HS3ST4: variants seen among roughly 807,000 people sequenced by gnomAD.
The protein encoded by HS3ST4 is heparan sulfate glucosamine 3-O-sulfotransferase 4.
HS3ST4 carries 17 observed loss-of-function variants against 29.2 expected under a neutral mutation model. The observed-to-expected ratio is 0.58, with a 90% CI of 0.40 to 0.87. The LOEUF is 0.87. Ranked by LOEUF, HS3ST4 falls within the 40% of genes least tolerant of loss-of-function variation. HS3ST4 has a pLI of 0.00. For synonymous variants in HS3ST4, 314 were observed against 285.7 expected (o/e 1.10, Z -1.00); for missense variants, 627 against 634.5 (o/e 0.99, Z 0.13).
chr16:25,893,494 A>T (rs534577950), intron 1 of HS3ST4, among the ~76,000 whole-genome samples: 1 of 152,172 alleles, frequency 6.6e-6, no homozygotes, highest in Non-Finnish European at 1.5e-5. Flanking sequence ...CTTGTGTCAC[A>T]TGCAAATTCA....
At chr16:25,956,114 C>A (rs1485138399) in intron 1 of HS3ST4, among the ~76,000 whole-genome samples, 1 of 152,116 alleles carries the variant, frequency 6.6e-6, no homozygotes, top group Non-Finnish European at 1.5e-5. Flanking sequence ...CCATGCCCAG[C>A]CAATGTGTAC....
chr16:26,060,249 A>G (rs1898459361), intron 1 of HS3ST4, among the ~76,000 whole-genome samples: 1 of 152,222 alleles, frequency 6.6e-6, no homozygotes, highest in Admixed American at 6.5e-5. Flanking sequence ...CCCATGAAGC[A>G]GGTGCAGTCA....
intron 1 of HS3ST4, among the ~76,000 whole-genome samples, chr16:25,729,478 C>T (rs151314825): frequency 1.6e-3 from 246 of 152,236 alleles, no homozygotes; most frequent in African/African-American, 5.7e-3. Flanking sequence ...CTTTTGATGA[C>T]GTGTAGTTAG....
chr16:25,814,664 GA>G (rs1332433554), intron 1 of HS3ST4, among the ~76,000 whole-genome samples: 6 of 152,172 alleles, frequency 3.9e-5, no homozygotes, highest in Non-Finnish European at 8.8e-5. Flanking sequence ...TTTTAGTGGA[GA>G]TAAGTTTGGA....
chr16:25,997,426 G>T (rs1216336204), intron 1 of HS3ST4, among the ~76,000 whole-genome samples: 1 of 152,186 alleles, frequency 6.6e-6, no homozygotes, highest in East Asian at 1.9e-4. Flanking sequence ...GGCAGAAACT[G>T]AACTCAAATG....
intron 1 of HS3ST4, among the ~76,000 whole-genome samples, chr16:25,931,545 C>T (rs1968463895): frequency 6.6e-6 from 1 of 152,166 alleles, no homozygotes; most frequent in Non-Finnish European, 1.5e-5. Flanking sequence ...AAAGCAAAAG[C>T]ACCTTCAATG....
rs181003131 is a variant in HS3ST4 at position 25,927,170 on chromosome 16, C to T, written c.735-208442C>T. Reference sequence around the variant, plus strand: ...GCATGCTTTCTTTCCACATTGATTCCTCACAGGCAATGGCCCAGGGAATAT... The same window carrying T: ...GCATGCTTTCTTTCCACATTGATTCTTCACAGGCAATGGCCCAGGGAATAT... On this transcript the variant is annotated intron_variant, in intron 1 of 1. Coordinates refer to ENST00000331351, the MANE Select transcript of HS3ST4 (RefSeq NM_006040.3). Among the ~76,000 whole-genome samples, 3 of 152,266 alleles carry T rather than the reference C, an allele frequency of 2.0e-5. No individual in the cohort carries two copies. In the East Asian group the frequency reaches 5.8e-4, roughly 29 times the overall value.
At chr16:25,717,510 G>GGTGTGTGTGTGTGT (rs763190199) in intron 1 of HS3ST4, among the ~76,000 whole-genome samples, 8 of 132,830 alleles carry the variant, frequency 6.0e-5, no homozygotes, top group African/African-American at 1.4e-4. Flanking sequence ...AAGGTGAAGG[G>GGTGTGTGTGTGTGT]GTGTGTGTGT....
chr16:25,988,024 C>T (rs1212027148), intron 1 of HS3ST4, among the ~76,000 whole-genome samples: 1 of 152,192 alleles, frequency 6.6e-6, no homozygotes, highest in Non-Finnish European at 1.5e-5. Context: ...CCGCCTCAGC[C>T]TCCCAAAGTG....
chr16:25,946,633 G>A (rs926093387), intron 1 of HS3ST4, among the ~76,000 whole-genome samples: 5 of 152,162 alleles, frequency 3.3e-5, no homozygotes, highest in African/African-American at 1.2e-4. Context: ...ACAAGTTAGT[G>A]GCAGACATGG....
At chr16:25,830,719 CTT>C (rs749231059) in intron 1 of HS3ST4, among the ~76,000 whole-genome samples, 12 of 145,348 alleles carry the variant, frequency 8.3e-5, no homozygotes, top group Non-Finnish European at 7.6e-5. Context: ...CAATCCATGT[CTT>C]TTTTTTTTTT....
rs371426375 is a variant in HS3ST4 at position 25,707,578 on chromosome 16, C to G, written c.734+14427C>G. On this transcript the variant is annotated intron_variant, in intron 1 of 1. Coordinates refer to ENST00000331351, the MANE Select transcript of HS3ST4 (RefSeq NM_006040.3). ...ACCAGAAGGTAGTATGAGAAGGACT[C>G]AATCACTGTTGCTGGCTTTGGCAAT... Among the ~76,000 whole-genome samples, 66 of 152,306 alleles carry G rather than the reference C, an allele frequency of 4.3e-4. 1 individual carries two copies. The East Asian group carries it at 7.7e-3, about 18-fold the overall frequency.
intron 1 of HS3ST4, among the ~76,000 whole-genome samples, chr16:25,811,717 G>A (rs1475912345): frequency 3.9e-5 from 6 of 152,116 alleles, no homozygotes; most frequent in Non-Finnish European, 7.4e-5. Context: ...ACAGGCATGA[G>A]CCACTGCGCC....
At chr16:26,110,560 T>C (rs1233718091) in intron 1 of HS3ST4, among the ~76,000 whole-genome samples, 1 of 152,216 alleles carries the variant, frequency 6.6e-6, no homozygotes, top group Non-Finnish European at 1.5e-5. Context: ...CCAAATTCTA[T>C]TGGCCCTTTC....
At chr16:25,928,069 C>A (rs543425078) in intron 1 of HS3ST4, among the ~76,000 whole-genome samples, 43 of 146,692 alleles carry the variant, frequency 2.9e-4, no homozygotes, top group African/African-American at 1.1e-3. Flanking sequence ...GGTAGCCAGG[C>A]ATGCCGGTGC....
At chr16:25,788,542 TTC>T (rs1476715571) in intron 1 of HS3ST4, among the ~76,000 whole-genome samples, 2 of 93,554 alleles carry the variant, frequency 2.1e-5, no homozygotes, top group African/African-American at 9.7e-5. Flanking sequence ...CTTTTCTTCT[TTC>T]TTTTTTTTTT....
At chr16:25,775,625 C>T (rs1456242454) in intron 1 of HS3ST4, among the ~76,000 whole-genome samples, 1 of 152,222 alleles carries the variant, frequency 6.6e-6, no homozygotes, top group African/African-American at 2.4e-5. Flanking sequence ...CTCCAGATAG[C>T]TTACAATTCC....
intron 1 of HS3ST4, among the ~76,000 whole-genome samples, chr16:26,062,203 A>C (rs777111281): frequency 6.8e-4 from 103 of 152,306 alleles, no homozygotes; most frequent in Admixed American, 3.4e-3. Context: ...ATTCAACCCA[A>C]CTTCTTCCAA....
chr16:25,967,033 G>A (rs998154986), intron 1 of HS3ST4, among the ~76,000 whole-genome samples: 5 of 152,348 alleles, frequency 3.3e-5, no homozygotes, highest in Admixed American at 1.3e-4. Context: ...CCTACAGATT[G>A]AGGAATTCTG....
Sources: allele counts gnomAD v4.1 joint callset (sites outside exome capture counted in the v4.1 genomes callset), GRCh38; gene constraint gnomAD v4.1.1; transcripts MANE v1.5; gene names NCBI Gene and HGNC (gene_info 2026-07-23, HGNC 2026-07-21).